Variants in PLEKHA6 observed in about 807,000 individuals in gnomAD.
PLEKHA6 encodes the protein pleckstrin homology domain-containing family A member 6.
In PLEKHA6, 60 loss-of-function variants were observed where a neutral mutation model predicts 116.7. The observed-to-expected ratio is 0.51, with a 90% CI of 0.42 to 0.64. PLEKHA6 has a LOEUF of 0.64. PLEKHA6 is among the 30% of genes least tolerant of loss of function. The pLI, the probability that PLEKHA6 is intolerant of heterozygous loss-of-function variation, is 0.00. For missense variants in PLEKHA6, 1,338 were observed against 1,422.7 expected (o/e 0.94, Z 0.96); for synonymous variants, 489 against 556.1 (o/e 0.88, Z 1.70).
intron 1 of PLEKHA6, among the ~76,000 whole-genome samples, chr1:204,339,751 A>C (rs1672780011): frequency 6.6e-6 from 1 of 152,266 alleles, no homozygotes; most frequent in African/African-American, 2.4e-5. Context: ...GTAATGGAGC[A>C]ACATGACAGA....
chr1:204,311,708 T>C (rs16853272), intron 1 of PLEKHA6: 20,466 of 931,728 alleles, frequency 0.022, 257 homozygotes, highest in Middle Eastern at 0.049. Context: ...AAATATTTAT[T>C]GAATGAAATT....
At chr1:204,280,387 C>T (rs1668470457) in intron 1 of PLEKHA6, 2 of 985,182 alleles carry the variant, frequency 2.0e-6, no homozygotes, top group African/African-American at 1.7e-5. Flanking sequence ...ATGCCCAGAA[C>T]CCCACTGTGA....
chr1:204,370,434 T>TCC (rs905948420), intron 2 of PLEKHA6, among the ~76,000 whole-genome samples: 3 of 152,146 alleles, frequency 2.0e-5, no homozygotes, highest in African/African-American at 7.2e-5. Flanking sequence ...GAGAGATATC[T>TCC]CCCCGCACTG....
At chr1:204,340,207 G>A (rs775023939) in intron 1 of PLEKHA6, among the ~76,000 whole-genome samples, 1 of 152,160 alleles carries the variant, frequency 6.6e-6, no homozygotes, top group Non-Finnish European at 1.5e-5. Flanking sequence ...GTGAGTGGGA[G>A]GGGGGTGTGT....
intron 17 of PLEKHA6, among the ~76,000 whole-genome samples, chr1:204,235,649 G>C (rs1400600622): frequency 6.6e-6 from 1 of 152,160 alleles, no homozygotes; most frequent in African/African-American, 2.4e-5. Flanking sequence ...GGAAAAGAAT[G>C]GGACTCTGAA....
chr1:204,373,851 C>A (rs1673820941), intron 1 of PLEKHA6, among the ~76,000 whole-genome samples: 2 of 152,288 alleles, frequency 1.3e-5, no homozygotes, highest in African/African-American at 4.8e-5. Context: ...GACTTCTGAG[C>A]TCAGGCACCA....
chr1:204,332,914 G>A (rs1276434840), intron 1 of PLEKHA6, among the ~76,000 whole-genome samples: 1 of 152,224 alleles, frequency 6.6e-6, no homozygotes, highest in East Asian at 1.9e-4. Flanking sequence ...AGTGTGCATA[G>A]AAGGAAAAGT....
intron 9 of PLEKHA6, chr1:204,251,630 C>G (rs932232840): frequency 2.8e-6 from 2 of 702,178 alleles, no homozygotes; most frequent in South Asian, 3.0e-5. Context: ...GAGGAAGGAA[C>G]GGACTATTCA....
intron 1 of PLEKHA6, chr1:204,309,637 C>T (rs1203394079): frequency 1.6e-6 from 1 of 631,602 alleles, no homozygotes; most frequent in Admixed American, 6.3e-5. Flanking sequence ...TAAAAATGCA[C>T]TTCTCAGAAT....
chr1:204,315,643 C>T (rs1338937241), intron 1 of PLEKHA6, among the ~76,000 whole-genome samples: 1 of 152,190 alleles, frequency 6.6e-6, no homozygotes, highest in Non-Finnish European at 1.5e-5. Context: ...CAGTCATTCC[C>T]TAGAAATGTC....
At chr1:204,256,124 C>T (rs1182496332) in intron 9 of PLEKHA6, among the ~76,000 whole-genome samples, 1 of 152,184 alleles carries the variant, frequency 6.6e-6, no homozygotes, top group Non-Finnish European at 1.5e-5. Context: ...GCCTAGCCTC[C>T]AGCCTGCCCA....
In PLEKHA6 at chr1:204,230,430, G is replaced by A. The variant is rs376530023; in HGVS notation, c.2566C>T (p.Arg856Trp). ...GGCATTACCACTTTGTAGGCTGGCC[G>A]GGGACTGGGGTCGGGGGCCGGGCTG... ...PASPAPDPSP[R>W]PAYKVVRRHR... The change falls in exon 18 of 23, where the codon CGG (arginine) becomes TGG (tryptophan). Residue 856 changes from arginine to tryptophan, a missense_variant. Coordinates refer to ENST00000272203, the MANE Select transcript of PLEKHA6 (RefSeq NM_014935.5). 32 of 1,582,330 alleles carry A rather than the reference G, an allele frequency of 2.0e-5. No homozygotes were observed. Among genetic ancestry groups the A allele is most frequent in the African/African-American group, 2.7e-5 (2 of 74,512 alleles).
intron 1 of PLEKHA6, among the ~76,000 whole-genome samples, chr1:204,355,636 C>T (rs551719794): frequency 2.0e-5 from 3 of 150,966 alleles, no homozygotes; most frequent in Non-Finnish European, 4.5e-5. Flanking sequence ...GATGGGGTTT[C>T]ACCATGTTGA....
At chr1:204,318,505 G>A (rs1434227280) in intron 1 of PLEKHA6, among the ~76,000 whole-genome samples, 1 of 152,214 alleles carries the variant, frequency 6.6e-6, no homozygotes, top group Non-Finnish European at 1.5e-5. Context: ...TTGCATAGCA[G>A]GGGAAGGCCG....
chr1:204,314,415 T>C (rs1413094961), intron 1 of PLEKHA6, among the ~76,000 whole-genome samples: 5 of 152,192 alleles, frequency 3.3e-5, no homozygotes, highest in Admixed American at 2.0e-4. Context: ...TGGAATTTCA[T>C]CTAATACTCC....
chr1:204,273,819 C>T (rs1667730992), intron 2 of PLEKHA6, 79 bp from the exon 3 acceptor site: 1 of 935,980 alleles, frequency 1.1e-6, no homozygotes, highest in African/African-American at 1.6e-5. Context: ...TTTCCACACC[C>T]TGCCACCCAC....
intron 1 of PLEKHA6, among the ~76,000 whole-genome samples, chr1:204,317,978 A>G (rs1254167572): frequency 1.3e-5 from 2 of 152,224 alleles, no homozygotes. Flanking sequence ...ACTTTACACA[A>G]GTGCTATATA....
intron 1 of PLEKHA6, among the ~76,000 whole-genome samples, chr1:204,288,407 C>G (rs1042415710): frequency 2.6e-5 from 4 of 152,228 alleles, no homozygotes; most frequent in Non-Finnish European, 2.9e-5. Flanking sequence ...TCTAGTCCCA[C>G]CCAGGCCGCC....
At chr1:204,222,975 C>T (rs148909973) in intron 22 of PLEKHA6, among the ~76,000 whole-genome samples, 196 bp from the exon 23 acceptor site, 1 of 152,178 alleles carries the variant, frequency 6.6e-6, no homozygotes, top group African/African-American at 2.4e-5. Flanking sequence ...CGGCTGTGGG[C>T]TAGGGGCAAG....
Sources: allele counts gnomAD v4.1 joint callset (sites outside exome capture counted in the v4.1 genomes callset), GRCh38; gene constraint gnomAD v4.1.1; transcripts MANE v1.5; gene names NCBI Gene and HGNC (gene_info 2026-07-23, HGNC 2026-07-21).